The following CPEB2 variants were observed in gnomAD, a reference collection of about 807,000 sequenced individuals.
The protein encoded by CPEB2 is cytoplasmic polyadenylation element binding protein 2, also known as cytoplasmic polyadenylation element-binding protein 2.
In CPEB2, 56 loss-of-function variants were observed where a neutral mutation model predicts 93.6. That is an observed-to-expected ratio of 0.60 (90% confidence interval 0.48 to 0.75). The LOEUF is 0.75. Among genes scored for constraint, CPEB2 ranks in the 30% least tolerant of loss-of-function variants. CPEB2 has a pLI of 0.00. For missense variants in CPEB2, 1,579 were observed against 1,395.1 expected, an observed-to-expected ratio of 1.13 and a Z score of -2.10; for synonymous variants, 764 against 586.3, an observed-to-expected ratio of 1.30 and a Z score of -4.38.
At chr4:15,048,354 CT>C (rs1324441938) in intron 6 of CPEB2, among the ~76,000 whole-genome samples, 2 of 151,856 alleles carry the variant, frequency 1.3e-5, no homozygotes, top group Non-Finnish European at 2.9e-5. Flanking sequence ...GGATTTTTCT[CT>C]GTCGGAAGAT....
At chr4:15,036,016 A>G (rs1012772817) in intron 5 of CPEB2, among the ~76,000 whole-genome samples, 1 of 152,346 alleles carries the variant, frequency 6.6e-6, no homozygotes, top group African/African-American at 2.4e-5. Context: ...CTTAATAGTT[A>G]ATCAGCAGTT....
intron 6 of CPEB2, among the ~76,000 whole-genome samples, chr4:15,047,277 T>C (rs1315074361): frequency 6.6e-6 from 1 of 152,222 alleles, no homozygotes; most frequent in African/African-American, 2.4e-5. Flanking sequence ...TGATTTATCA[T>C]AAATTTTAGA....
chr4:15,054,306 A>G (rs1328276265), intron 8 of CPEB2, 89 bp downstream of exon 8: 2 of 862,770 alleles, frequency 2.3e-6, no homozygotes, highest in Admixed American at 2.2e-5. Context: ...GTTAGGAATC[A>G]TAAGAGACTT....
chr4:15,035,544 C>T (rs1477459342), intron 5 of CPEB2, among the ~76,000 whole-genome samples: 1 of 152,082 alleles, frequency 6.6e-6, no homozygotes, highest in Non-Finnish European at 1.5e-5. Flanking sequence ...CCTATAAATA[C>T]ATGAAGTTGG....
chr4:15,037,507 A>G (rs1274076498), intron 5 of CPEB2, among the ~76,000 whole-genome samples: 3 of 152,174 alleles, frequency 2.0e-5, no homozygotes, highest in African/African-American at 4.8e-5. Context: ...CTGAGAGCCA[A>G]TACATATGAC....
chr4:15,030,066 A>T (rs1291252590), intron 4 of CPEB2, among the ~76,000 whole-genome samples: 2 of 152,026 alleles, frequency 1.3e-5, no homozygotes, highest in Non-Finnish European at 2.9e-5. Context: ...CCTATTATTG[A>T]CAGGAACAGG....
chr4:15,053,861 A>C (rs922170600), intron 7 of CPEB2, among the ~76,000 whole-genome samples: 1 of 152,170 alleles, frequency 6.6e-6, no homozygotes, highest in Non-Finnish European at 1.5e-5. Context: ...TAGTATCCAT[A>C]CAATGTTATA....
chr4:15,058,373 A>C, intron 8 of CPEB2, 48 bp from the exon 9 acceptor site: 2 of 1,103,972 alleles, frequency 1.8e-6, no homozygotes, highest in African/African-American at 3.1e-5. Context: ...AATTTGGAGT[A>C]AAATCACTTG....
At chr4:15,062,023 A>G in intron 10 of CPEB2, 56 bp from the exon 11 acceptor site, 1 of 1,448,556 alleles carries the variant, frequency 6.9e-7, no homozygotes, top group Non-Finnish European at 9.3e-7. Flanking sequence ...AGTACTTAAA[A>G]ATTGTTGATT....
At chr4:15,024,850 A>G (rs1479863567) in intron 4 of CPEB2, among the ~76,000 whole-genome samples, 2 of 148,260 alleles carry the variant, frequency 1.3e-5, no homozygotes, top group Non-Finnish European at 3.0e-5. Flanking sequence ...GGTTCAAGTG[A>G]TTCTCCTGCC....
intron 4 of CPEB2, among the ~76,000 whole-genome samples, chr4:15,021,670 C>T (rs1724832477): frequency 6.6e-6 from 1 of 152,066 alleles, no homozygotes; most frequent in South Asian, 2.1e-4. Flanking sequence ...GTCAGTAAGT[C>T]GTAATGCCTT....
intron 6 of CPEB2, among the ~76,000 whole-genome samples, chr4:15,043,304 C>T (rs1242717738): frequency 6.6e-6 from 1 of 152,052 alleles, no homozygotes; most frequent in Non-Finnish European, 1.5e-5. Flanking sequence ...TGTAATTATG[C>T]TAGTAGTAGT....
In CPEB2 at chr4:15,017,255, G is replaced by C; in HGVS notation, c.2102G>C (p.Arg701Thr). Residue 701 changes from arginine (R) to threonine (T), a missense_variant, in exon 4 of 12, where the codon AGA (arginine) becomes ACA (threonine). Arg to Thr is a moderately conservative substitution (Grantham distance 71). Coordinates refer to ENST00000538197, the MANE Select transcript of CPEB2 (RefSeq NM_001177382.2). ...SLENSLIDIM[R>T]AEHDPLKGRL... ...GAAAATTCCCTTATCGATATTATGA[G>C]AGCAGAGCATGATCCTCTTAAGGGT... The C allele has an allele frequency of 6.3e-7, 1 of 1,595,838 alleles. No homozygotes were observed. Among genetic ancestry groups the C allele is most frequent in the Non-Finnish European group, 8.6e-7 (1 of 1,166,014 alleles).
chr4:15,003,709 G>T lies in CPEB2; in HGVS notation c.1036G>T (p.Asp346Tyr). The T allele has an allele frequency of 2.2e-6, 3 of 1,372,678 alleles. No homozygotes were observed. Among genetic ancestry groups the T allele is most frequent in the Non-Finnish European group, 2.8e-6 (3 of 1,063,606 alleles). 85.0% of individuals were successfully genotyped at this position (1,372,678 alleles called of 1,614,324 possible). A position where few individuals can be genotyped will look rare whatever the true frequency, so the allele number is the denominator to read the frequency against. The change falls in exon 1 of 12, where the codon GAC becomes TAC. Residue 346 changes from aspartate to tyrosine, a missense_variant. By Grantham distance (160) the Asp-to-Tyr change is radical (BLOSUM62 -3). Transcript: ENST00000538197. ...CGCCTTCAGCAGCCTGCAGAGCCCG[G>T]ACCTTCCACACCCGGGCGGCGGCGG... The part of the protein sequence containing the change: ...AGAFSSLQSP[D>Y]LPHPGGGGGG...
chr4:15,035,470 T>A (rs916510783), intron 5 of CPEB2, among the ~76,000 whole-genome samples: 3 of 152,162 alleles, frequency 2.0e-5, no homozygotes, highest in African/African-American at 7.2e-5. Flanking sequence ...GAAGTAAATG[T>A]TAGCTAAGTA....
At chr4:15,035,740 A>G (rs1248149233) in intron 5 of CPEB2, among the ~76,000 whole-genome samples, 1 of 152,208 alleles carries the variant, frequency 6.6e-6, no homozygotes, top group Non-Finnish European at 1.5e-5. Flanking sequence ...CCAAAAAAGT[A>G]AAATAACTCT....
chr4:15,019,212 T>G (rs1049488367), intron 4 of CPEB2, among the ~76,000 whole-genome samples: 1 of 151,528 alleles, frequency 6.6e-6, no homozygotes, highest in Admixed American at 6.6e-5. Flanking sequence ...ATCGAGAAAC[T>G]TTCTCTGCAT....
intron 4 of CPEB2, among the ~76,000 whole-genome samples, chr4:15,025,811 G>A (rs1725387542): frequency 6.6e-6 from 1 of 151,948 alleles, no homozygotes; most frequent in Admixed American, 6.6e-5. Context: ...TGTATACACG[G>A]CTTAGGTTTG....
intron 4 of CPEB2, among the ~76,000 whole-genome samples, chr4:15,032,507 G>A (rs1371962976): frequency 6.6e-6 from 1 of 152,004 alleles, no homozygotes; most frequent in Non-Finnish European, 1.5e-5. Flanking sequence ...AAAAACTTTC[G>A]AATGAAGAAT....
Sources: allele counts gnomAD v4.1 joint callset (sites outside exome capture counted in the v4.1 genomes callset), GRCh38; gene constraint gnomAD v4.1.1; transcripts MANE v1.5; gene names NCBI Gene and HGNC (gene_info 2026-07-23, HGNC 2026-07-21).